Variants in COA1 observed in about 807,000 individuals in gnomAD.
COA1 encodes the protein cytochrome c oxidase assembly factor 1.
In COA1, 13 loss-of-function variants were observed where a neutral mutation model predicts 16.0. The ratio of observed to expected loss-of-function variants is 0.81; its 90% CI spans 0.53 to 1.29. The LOEUF is 1.29. Among genes scored for constraint, COA1 ranks in the 50% most tolerant of loss-of-function variants. The pLI, the probability that COA1 is intolerant of heterozygous loss-of-function variation, is 0.00. For synonymous variants in COA1, 65 were observed against 65.7 expected (o/e 0.99, Z 0.05); for missense variants, 179 against 177.0 (o/e 1.01, Z -0.06).
At chr7:43,657,336 T>C (rs1013739901) in intron 1 of COA1, 6 of 152,362 alleles carry the variant, frequency 3.9e-5, no homozygotes, top group African/African-American at 7.2e-5. Flanking sequence ...ATCTGAACCA[T>C]AGTGGAACTA....
chr7:43,619,839 C>T, intron 6 of COA1: 1 of 1,304,664 alleles, frequency 7.7e-7, no homozygotes, highest in African/African-American at 1.5e-5. Flanking sequence ...GAAATTCTAC[C>T]ATCAGAGATC....
intron 4 of COA1, among the ~76,000 whole-genome samples, chr7:43,644,702 T>C (rs549773237): frequency 1.5e-5 from 1 of 67,672 alleles, no homozygotes; most frequent in South Asian, 5.8e-4. Flanking sequence ...AAATTATAGA[T>C]AGATAGATTA....
At chr7:43,728,020 G>A (rs1404462126) in intron 1 of COA1, among the ~76,000 whole-genome samples, 1 of 150,630 alleles carries the variant, frequency 6.6e-6, no homozygotes, top group Admixed American at 6.6e-5. Context: ...TCTCGCCCAG[G>A]CTGGAGTGCA....
At chr7:43,672,831 G>C (rs2093338699) in intron 1 of COA1, among the ~76,000 whole-genome samples, 4 of 149,946 alleles carry the variant, frequency 2.7e-5, no homozygotes, top group Admixed American at 2.7e-4. Flanking sequence ...ATATACCAAT[G>C]GAACAGAACA....
At chr7:43,658,157 A>G (rs1384795737) in intron 1 of COA1, among the ~76,000 whole-genome samples, 3 of 152,084 alleles carry the variant, frequency 2.0e-5, no homozygotes, top group African/African-American at 7.2e-5. Flanking sequence ...CGGGTGGATC[A>G]CGGGGTCAGG....
At chr7:43,663,666 CAAAA>C (rs759423078) in intron 1 of COA1, among the ~76,000 whole-genome samples, 2 of 70,626 alleles carry the variant, frequency 2.8e-5, no homozygotes, top group African/African-American at 1.3e-4. Flanking sequence ...GACCCTATCT[CAAAA>C]AAAAAAAAAA....
chr7:43,623,752 C>T (rs755803806), intron 6 of COA1: 4 of 1,606,512 alleles, frequency 2.5e-6, no homozygotes, highest in Admixed American at 3.4e-5. Flanking sequence ...AGGAATATCA[C>T]CTTTCTTAGG....
intron 1 of COA1, among the ~76,000 whole-genome samples, chr7:43,723,902 G>C (rs898654907): frequency 1.3e-5 from 2 of 152,186 alleles, no homozygotes; most frequent in African/African-American, 4.8e-5. Context: ...ACTCCAGCCT[G>C]GGTGACAAAG....
At chr7:43,617,340 C>A (rs2083446921) in intron 6 of COA1, among the ~76,000 whole-genome samples, 1 of 152,136 alleles carries the variant, frequency 6.6e-6, no homozygotes, top group Admixed American at 6.5e-5. Flanking sequence ...AAAACAGATC[C>A]TAGCAAACCT....
At chr7:43,656,868 T>C (rs190415360) in intron 1 of COA1, among the ~76,000 whole-genome samples, 3 of 151,114 alleles carry the variant, frequency 2.0e-5, no homozygotes, top group African/African-American at 7.3e-5. Flanking sequence ...AGACCACAGA[T>C]CGCTTTCCAG....
In COA1 at chr7:43,680,283, C is replaced by CAAA. The variant is rs552891478; in HGVS notation, c.-38-31634_-38-31632dup. Among the ~76,000 whole-genome samples the CAAA allele has an allele frequency of 5.8e-4, 42 of 73,000 alleles. No homozygotes were observed. The Middle Eastern group carries it at 0.027, about 47-fold the overall frequency. The allele number at this position is 73,000 out of a possible 152,430, so 47.9% of individuals were successfully genotyped here. A position where few individuals can be genotyped will look rare whatever the true frequency, so the allele number is the denominator to read the frequency against. ...CCATACAGAATTTGGGACAGGGAGA[C>CAAA]AAAAAAAAAAAAAAAAAAAGTAAGT... On this transcript the variant is annotated intron_variant, in intron 1 of 5. Transcript: ENST00000223336.
intron 1 of COA1, among the ~76,000 whole-genome samples, chr7:43,690,904 G>C (rs985413825): frequency 6.6e-6 from 1 of 151,570 alleles, no homozygotes; most frequent in East Asian, 1.9e-4. Context: ...AAGAAGGAGG[G>C]CCCTACAAGA....
chr7:43,623,915 A>T, intron 6 of COA1: 1 of 1,381,620 alleles, frequency 7.2e-7, no homozygotes, highest in Non-Finnish European at 9.4e-7. Context: ...TTAGTTTAAT[A>T]TTGAACTAAT....
Position 43,645,414 on chromosome 7 carries a change from C to T in COA1, c.116-15G>A, listed in dbSNP as rs369486422. ...GGAATGAAACTCTAAGGACGAAAGA[C>T]ACACTTATTTTCTTTATTGAACTTG... is the stretch of plus-strand genomic sequence containing the variant. On this transcript the variant is annotated splice_polypyrimidine_tract_variant and intron_variant, in intron 3 of 5. Transcript: ENST00000223336. 127 of 1,612,904 alleles carry T rather than the reference C, an allele frequency of 7.9e-5. No individual in the cohort carries two copies. The highest frequency in any genetic ancestry group is 1.1e-4 in the Non-Finnish European group (126 of 1,179,138).
At chr7:43,682,086 T>C (rs1191511034) in intron 1 of COA1, among the ~76,000 whole-genome samples, 2 of 152,174 alleles carry the variant, frequency 1.3e-5, no homozygotes, top group Non-Finnish European at 2.9e-5. Flanking sequence ...ATAAAATACA[T>C]AATATGAACG....
At chr7:43,688,009 T>G (rs1474107348) in intron 1 of COA1, among the ~76,000 whole-genome samples, 5 of 152,218 alleles carry the variant, frequency 3.3e-5, no homozygotes, top group Admixed American at 2.6e-4. Flanking sequence ...TCTGATGGGT[T>G]TATCAGGGGT....
downstream of COA1, among the ~76,000 whole-genome samples, chr7:43,635,282 C>T (rs141450694): frequency 1.3e-3 from 196 of 152,222 alleles, no homozygotes; most frequent in African/African-American, 4.2e-3. Flanking sequence ...CAGGATTTCC[C>T]GATATTGAAC....
intron 6 of COA1, among the ~76,000 whole-genome samples, chr7:43,611,831 A>G (rs2082905572): frequency 6.6e-6 from 1 of 152,170 alleles, no homozygotes; most frequent in Non-Finnish European, 1.5e-5. Context: ...CCAGGAAGAG[A>G]ACCCCAATTT....
At chr7:43,710,348 CAAAAAAAAAAAAA>C (rs1165121530) in intron 1 of COA1, among the ~76,000 whole-genome samples, 1 of 52,442 alleles carries the variant, frequency 1.9e-5, no homozygotes, top group African/African-American at 7.2e-5. Flanking sequence ...GACTCTGTCT[CAAAAAAAAAAAAA>C]AAAAAAAAAA....
Sources: gnomAD v4.1 joint callset for allele counts (sites outside exome capture counted in the v4.1 genomes callset) on GRCh38, gnomAD v4.1.1 for gene constraint, MANE v1.5 for transcripts, NCBI Gene and HGNC (gene_info 2026-07-23, HGNC 2026-07-21) for gene names.